Variants in MACROH2A2 observed in about 807,000 individuals in gnomAD.
The protein encoded by MACROH2A2 is core histone macro-H2A.2.
A neutral mutation model predicts 37.6 loss-of-function variants in MACROH2A2; 6 were observed. That is an observed-to-expected ratio of 0.16 (90% CI 0.09 to 0.32). The LOEUF (loss-of-function observed/expected upper bound fraction) is 0.32, where lower values mean the gene tolerates loss of function less well. Among genes scored for constraint, MACROH2A2 ranks in the 10% least tolerant of loss-of-function variants. The pLI is 1.00. For missense variants in MACROH2A2, 290 were observed against 485.9 expected (o/e 0.60, Z 3.79); for synonymous variants, 192 against 202.7 (o/e 0.95, Z 0.45).
intron 5 of MACROH2A2, among the ~76,000 whole-genome samples, chr10:70,095,003 C>T (rs1383848739): frequency 1.3e-5 from 2 of 152,154 alleles, no homozygotes; most frequent in Non-Finnish European, 2.9e-5. Flanking sequence ...AGGAGCTTCT[C>T]AGAAGATGCA....
rs868414221 is a variant in MACROH2A2, at chr10:70,100,074, G to A, written c.689-134G>A. 16 of 555,734 alleles carry A rather than the reference G, an allele frequency of 2.9e-5. 1 individual carries two copies. The South Asian group carries it at 4.1e-4, about 14-fold the overall frequency. The allele number at this position is 555,734 out of a possible 1,614,324, so 34.4% of individuals were successfully genotyped here. A position where few individuals can be genotyped will look rare whatever the true frequency, so the allele number is the denominator to read the frequency against. On this transcript the variant is annotated intron_variant, in intron 6 of 8. Transcript: ENST00000373255. Reference sequence around the variant, plus strand: ...CCTCCCCTGACCACTGGCAAACCAGGATAACAATTGGGAAGTTCAATTCCT... The same window carrying A: ...CCTCCCCTGACCACTGGCAAACCAGAATAACAATTGGGAAGTTCAATTCCT...
intron 2 of MACROH2A2, among the ~76,000 whole-genome samples, chr10:70,084,174 A>G (rs115118042): frequency 0.018 from 2,679 of 152,206 alleles, 95 homozygotes; most frequent in African/African-American, 0.061. Flanking sequence ...ACCACTTAAC[A>G]CCAAAAATTT....
intron 1 of MACROH2A2, among the ~76,000 whole-genome samples, chr10:70,054,074 C>T (rs991774750): frequency 6.6e-5 from 10 of 152,164 alleles, no homozygotes; most frequent in African/African-American, 2.4e-4. Flanking sequence ...CAGTTCTTGC[C>T]CTCTTTGTTC....
intron 3 of MACROH2A2, 111 bp downstream of exon 3, chr10:70,090,277 C>T: frequency 1.4e-6 from 1 of 701,278 alleles, no homozygotes; most frequent in South Asian, 1.7e-5. Context: ...TACATTTATA[C>T]AAAAAAAACT....
intron 7 of MACROH2A2, among the ~76,000 whole-genome samples, chr10:70,102,124 A>G (rs1400994238): frequency 2.0e-5 from 3 of 152,200 alleles, no homozygotes; most frequent in Non-Finnish European, 4.4e-5. Context: ...CTGCCCTCAG[A>G]TGCATAATTG....
Position 70,056,424 on chromosome 10 carries a change from G to A in MACROH2A2, c.-60+3424G>A, listed in dbSNP as rs564886397. Among the ~76,000 whole-genome samples, 15 of 152,288 alleles carry A rather than the reference G, an allele frequency of 9.8e-5. No homozygotes were observed. The East Asian group carries it at 1.9e-3, about 20-fold the overall frequency. ...CTCCCAAAGTGCTGGGATTACAGGC[G>A]TGTGCCACCATGCCCGGCCAAGTTC... is the stretch of plus-strand genomic sequence containing the variant. On this transcript the variant is annotated intron_variant, in intron 1 of 8. Coordinates refer to ENST00000373255, the MANE Select transcript of MACROH2A2 (RefSeq NM_018649.3).
chr10:70,095,703 A>T lies in MACROH2A2; in HGVS notation c.638A>T (p.Glu213Val). Residue 213 changes from glutamate to valine, a missense_variant, in exon 6 of 9, where the codon GAG becomes GTG. Around this residue, in one of 3 missense-constraint regions of MACROH2A2, gnomAD observed 130 missense variants for 257.1 expected, o/e 0.51. Transcript: ENST00000373255. ...DISHIGSMRVEGIVHPTTAEI... is the reference protein window; with the variant it reads ...DISHIGSMRVVGIVHPTTAEI... Reference sequence around the variant, plus strand: ...AGCCATATTGGCTCCATGAGAGTGGAGGGCATTGTCCACCCAACCACAGCC... The same window carrying T: ...AGCCATATTGGCTCCATGAGAGTGGTGGGCATTGTCCACCCAACCACAGCC... The T allele has an allele frequency of 6.2e-7, 1 of 1,602,874 alleles. No individual in the cohort carries two copies. Among genetic ancestry groups the T allele is most frequent in the Non-Finnish European group, 8.5e-7 (1 of 1,169,780 alleles).
In MACROH2A2 at chr10:70,100,212, A is replaced by C; in HGVS notation, c.693A>C (p.Lys231Asn). Residue 231 changes from lysine (K) to asparagine (N), a missense_variant, in exon 7 of 9, where the codon AAA becomes AAC. Around this residue, in one of 3 missense-constraint regions of MACROH2A2, gnomAD observed 130 missense variants for 257.1 expected, o/e 0.51. Transcript: ENST00000373255. The stretch of plus-strand genomic sequence containing the variant: ...TCCCATTGCTCTCCTTTGCAGGTAA[A>C]GCCTTGGAAAAGGCTGGGGGAAAAG... ...AEIDLKEDIG[K>N]ALEKAGGKEF... 1 of 1,587,202 alleles carries C rather than the reference A, an allele frequency of 6.3e-7. No individual in the cohort carries two copies. The highest frequency in any genetic ancestry group is 8.6e-7 in the Non-Finnish European group (1 of 1,156,206).
At chr10:70,063,721 C>G (rs996186587) in intron 1 of MACROH2A2, among the ~76,000 whole-genome samples, 1 of 152,200 alleles carries the variant, frequency 6.6e-6, no homozygotes. Flanking sequence ...AACCCCTCCT[C>G]TCCAGAGCCA....
chr10:70,099,312 G>T (rs565130777), intron 6 of MACROH2A2: 2 of 152,198 alleles, frequency 1.3e-5, no homozygotes, highest in East Asian at 3.9e-4. Context: ...CTTGAGGCTC[G>T]AGTGTGGAGT....
intron 8 of MACROH2A2, among the ~76,000 whole-genome samples, chr10:70,110,253 A>G (rs910276544): frequency 6.6e-6 from 1 of 152,162 alleles, no homozygotes; most frequent in African/African-American, 2.4e-5. Flanking sequence ...GTGTCCCTGG[A>G]AGCTGGTGCT....
chr10:70,085,339 C>T (rs7083371), intron 2 of MACROH2A2, among the ~76,000 whole-genome samples: 31,431 of 152,036 alleles, frequency 0.21, 3,518 homozygotes, highest in African/African-American at 0.28. Context: ...GTAGTACAGA[C>T]GGGTGGGTAG....
At position 70,075,602 on chromosome 10, in the gene MACROH2A2, T is replaced by C. The variant is rs2072134810; in HGVS notation, c.-57T>C. ...ACTCTGTCTTCTTTCCTTTTTAGCA[T>C]TGTGTTAGTGCCGGGAGGCCACTGT... On this transcript the variant is annotated splice_region_variant and 5_prime_UTR_variant, in exon 2 of 9. Transcript: ENST00000373255. The surrounding 1 kb of genome is among the most constrained non-coding windows in gnomAD (Gnocchi z 5.0). The C allele has an allele frequency of 4.6e-6, 7 of 1,516,452 alleles. No individual in the cohort carries two copies. Among genetic ancestry groups the C allele is most frequent in the African/African-American group, 2.7e-5 (2 of 72,938 alleles). 93.9% of individuals were successfully genotyped at this position (1,516,452 alleles called of 1,614,324 possible).
Position 70,104,143 on chromosome 10 carries a change from C to G in MACROH2A2, c.778+3846C>G, listed in dbSNP as rs144533665. Among the ~76,000 whole-genome samples the G allele has an allele frequency of 3.9e-5, 6 of 152,344 alleles. No individual in the cohort carries two copies. The East Asian group carries it at 1.2e-3, about 29-fold the overall frequency. Reference sequence around the variant, plus strand: ...AGAAGGGGAGATGGTTCGCCACTGTCTAACACCACACTGCATTTCATTTAA... The same window carrying G: ...AGAAGGGGAGATGGTTCGCCACTGTGTAACACCACACTGCATTTCATTTAA... On this transcript the variant is annotated intron_variant, in intron 7 of 8. Coordinates refer to ENST00000373255, the MANE Select transcript of MACROH2A2 (RefSeq NM_018649.3).
At chr10:70,091,700 T>G in intron 3 of MACROH2A2, 57 bp from the exon 4 acceptor site, 4 of 1,150,786 alleles carry the variant, frequency 3.5e-6, no homozygotes, top group Non-Finnish European at 3.8e-6. Flanking sequence ...AAGAACTGTA[T>G]GAAATTGGGA....
At chr10:70,054,607 G>A (rs2072002755) in intron 1 of MACROH2A2, among the ~76,000 whole-genome samples, 1 of 152,220 alleles carries the variant, frequency 6.6e-6, no homozygotes, top group African/African-American at 2.4e-5. Flanking sequence ...GAGCGAGAAC[G>A]TGTCTTCGTG....
chr10:70,093,817 C>A lies in MACROH2A2; in HGVS notation c.560C>A (p.Ser187Tyr). 6.2e-7 allele frequency: 1 copy of A among 1,601,702 alleles called. No individual in the cohort carries two copies. Among genetic ancestry groups the A allele is most frequent in the Non-Finnish European group, 8.6e-7 (1 of 1,168,672 alleles). The change falls in exon 5 of 9, where the codon TCT becomes TAT. Residue 187 changes from serine (S) to tyrosine (Y), a missense_variant. Physicochemically the swap from Ser to Tyr is moderately radical, Grantham distance 144 (BLOSUM62 -2). This residue lies in a region of MACROH2A2 where 130 missense variants were observed against 257.1 expected (regional missense o/e 0.51). Coordinates refer to ENST00000373255, the MANE Select transcript of MACROH2A2 (RefSeq NM_018649.3). ...CCAGGGGATGGATTCACCATTCTGT[C>A]TTCTAAGAGCCTTGTTCTGGGACAG... is the stretch of plus-strand genomic sequence containing the variant. Reference protein sequence around the residue: ...DGPGDGFTILSSKSLVLGQKL... With the variant: ...DGPGDGFTILYSKSLVLGQKL...
At chr10:70,063,183 T>A (rs1043991919) in intron 1 of MACROH2A2, among the ~76,000 whole-genome samples, 2 of 152,138 alleles carry the variant, frequency 1.3e-5, no homozygotes, top group African/African-American at 4.8e-5. Flanking sequence ...ATAAAGAAAT[T>A]ATTTGAATAA....
intron 2 of MACROH2A2, among the ~76,000 whole-genome samples, chr10:70,084,256 C>T (rs1269410275): frequency 3.9e-5 from 6 of 152,258 alleles, no homozygotes; most frequent in South Asian, 4.1e-4. Flanking sequence ...CACATGTGGC[C>T]GTGCAGGTTG....
Sources: allele counts gnomAD v4.1 joint callset (sites outside exome capture counted in the v4.1 genomes callset), GRCh38; gene constraint gnomAD v4.1.1; regional missense constraint gnomAD v4.1.1; non-coding constraint Gnocchi (gnomAD v3.1); transcripts MANE v1.5; gene names NCBI Gene and HGNC (gene_info 2026-07-23, HGNC 2026-07-21).